FAF1: variants seen among roughly 807,000 people sequenced by gnomAD.
FAF1 encodes Fas associated factor 1.
In FAF1, 25 loss-of-function variants were observed where a neutral mutation model predicts 92.5. The ratio of observed to expected loss-of-function variants is 0.27; its 90% CI spans 0.20 to 0.38. The LOEUF (loss-of-function observed/expected upper bound fraction) is 0.38, where lower values mean the gene tolerates loss of function less well. Among genes scored for constraint, FAF1 ranks in the 10% least tolerant of loss-of-function variants. FAF1 has a pLI of 1.00. For missense variants in FAF1, 636 were observed against 793.3 expected, an observed-to-expected ratio of 0.80 and a Z score of 2.38; for synonymous variants, 234 against 273.2, an observed-to-expected ratio of 0.86 and a Z score of 1.42.
At chr1:50,729,330 C>T (rs1658822308) in intron 6 of FAF1, among the ~76,000 whole-genome samples, 1 of 151,958 alleles carries the variant, frequency 6.6e-6, no homozygotes, top group African/African-American at 2.4e-5. Context: ...GCTGGGATTA[C>T]AGGTGTGAGC....
At chr1:50,689,850 A>G (rs1656836421) in intron 7 of FAF1, among the ~76,000 whole-genome samples, 1 of 152,234 alleles carries the variant, frequency 6.6e-6, no homozygotes, top group Non-Finnish European at 1.5e-5. Flanking sequence ...TCTGAAAATT[A>G]GCCTATGTAG....
chr1:50,811,067 G>A (rs1643903144), intron 2 of FAF1, among the ~76,000 whole-genome samples: 1 of 152,058 alleles, frequency 6.6e-6, no homozygotes, highest in African/African-American at 2.4e-5. Flanking sequence ...AGGCATGGTG[G>A]CTCATGGCTG....
At chr1:50,552,347 C>A (rs1649352509) in intron 13 of FAF1, among the ~76,000 whole-genome samples, 1 of 151,902 alleles carries the variant, frequency 6.6e-6, no homozygotes, top group South Asian at 2.1e-4. Flanking sequence ...ACTCACCCAC[C>A]ACAGTCACTA....
At chr1:50,675,442 G>A (rs964618181) in intron 7 of FAF1, among the ~76,000 whole-genome samples, 4 of 152,318 alleles carry the variant, frequency 2.6e-5, no homozygotes, top group South Asian at 2.1e-4. Context: ...TGTTAGGGAC[G>A]ATGGCAAATT....
At chr1:50,856,489 G>A (rs1048053779) in intron 2 of FAF1, among the ~76,000 whole-genome samples, 1 of 151,692 alleles carries the variant, frequency 6.6e-6, no homozygotes, top group Non-Finnish European at 1.5e-5. Flanking sequence ...TTAGAGTCAA[G>A]CTATACAAAT....
At chr1:50,448,152 T>C (rs907167789) in intron 18 of FAF1, among the ~76,000 whole-genome samples, 1 of 152,148 alleles carries the variant, frequency 6.6e-6, no homozygotes, top group Non-Finnish European at 1.5e-5. Flanking sequence ...ATTATAGGGA[T>C]TGAAATAGCC....
chr1:50,609,335 A>G (rs1382989201), intron 8 of FAF1, among the ~76,000 whole-genome samples: 1 of 152,172 alleles, frequency 6.6e-6, no homozygotes, highest in African/African-American at 2.4e-5. Flanking sequence ...ATTTTCACCC[A>G]GGGTCGATCA....
intron 3 of FAF1, among the ~76,000 whole-genome samples, chr1:50,793,757 T>C (rs1027724344): frequency 4.6e-5 from 7 of 152,216 alleles, no homozygotes; most frequent in Non-Finnish European, 5.9e-5. Flanking sequence ...ATAATAATAG[T>C]CTATAGAGAT....
At chr1:50,764,271 G>C (rs1660474902) in intron 4 of FAF1, among the ~76,000 whole-genome samples, 1 of 152,162 alleles carries the variant, frequency 6.6e-6, no homozygotes, top group Non-Finnish European at 1.5e-5. Context: ...TGTACCCTGT[G>C]TGCGACAAAG....
intron 8 of FAF1, among the ~76,000 whole-genome samples, chr1:50,612,032 C>T (rs953822043): frequency 1.2e-4 from 19 of 152,044 alleles, no homozygotes; most frequent in Non-Finnish European, 2.8e-4. Context: ...GAAAACAGTT[C>T]GATGGTAATC....
chr1:50,717,031 T>C (rs1238957559), intron 6 of FAF1, among the ~76,000 whole-genome samples: 3 of 152,106 alleles, frequency 2.0e-5, no homozygotes, highest in Non-Finnish European at 4.4e-5. Flanking sequence ...AAGGAAGAAA[T>C]TCCGTACACA....
At chr1:50,466,400 C>T (rs1646496351) in intron 18 of FAF1, among the ~76,000 whole-genome samples, 1 of 152,096 alleles carries the variant, frequency 6.6e-6, no homozygotes, top group Non-Finnish European at 1.5e-5. Context: ...ATGTGAGACG[C>T]CTACTGGATG....
chr1:50,532,805 ATC>A (rs1184419495), intron 15 of FAF1, among the ~76,000 whole-genome samples: 1 of 152,028 alleles, frequency 6.6e-6, no homozygotes, highest in Non-Finnish European at 1.5e-5. Context: ...TTTAAAATTT[ATC>A]TTTTTGGTTT....
rs1428097139 is a variant in FAF1 at position 50,544,040 on chromosome 1, G to A, written c.1269-4312C>T. Among the ~76,000 whole-genome samples, 5 of 152,142 alleles carry A rather than the reference G, an allele frequency of 3.3e-5. No individual in the cohort carries two copies. In the South Asian group the frequency reaches 8.3e-4, roughly 25 times the overall value. On this transcript the variant is annotated intron_variant, in intron 13 of 18. Transcript: ENST00000396153. Reference sequence around the variant, plus strand: ...CCTGGGATTGCTAAACTAGCTTAATGAGAACAAGAGGGAGAACCCACTACC... The same window carrying A: ...CCTGGGATTGCTAAACTAGCTTAATAAGAACAAGAGGGAGAACCCACTACC...
At chr1:50,787,650 C>T (rs1661410799) in intron 4 of FAF1, among the ~76,000 whole-genome samples, 1 of 152,114 alleles carries the variant, frequency 6.6e-6, no homozygotes, top group Non-Finnish European at 1.5e-5. Flanking sequence ...CAAAAAGGAT[C>T]AAGATATATC....
chr1:50,704,679 A>G (rs1163849306), intron 7 of FAF1, among the ~76,000 whole-genome samples: 1 of 152,156 alleles, frequency 6.6e-6, no homozygotes, highest in East Asian at 1.9e-4. Context: ...AAAATCCTGA[A>G]AAAAAATTAA....
chr1:50,735,277 G>A (rs1161579578), intron 6 of FAF1, among the ~76,000 whole-genome samples: 2 of 152,114 alleles, frequency 1.3e-5, no homozygotes, highest in African/African-American at 4.8e-5. Flanking sequence ...TTGTATCACA[G>A]AGGCCACTGG....
intron 6 of FAF1, among the ~76,000 whole-genome samples, chr1:50,706,259 A>T (rs1284658048): frequency 6.6e-6 from 1 of 152,232 alleles, no homozygotes; most frequent in African/African-American, 2.4e-5. Flanking sequence ...CTCTGGTTCA[A>T]TTCCAAGTGA....
chr1:50,857,684 C>A (rs1291601270), intron 2 of FAF1, among the ~76,000 whole-genome samples: 1 of 151,582 alleles, frequency 6.6e-6, no homozygotes, highest in African/African-American at 2.4e-5. Flanking sequence ...GGAAGATGAA[C>A]CATAACACAC....
Sources: allele counts gnomAD v4.1 joint callset (sites outside exome capture counted in the v4.1 genomes callset), GRCh38; gene constraint gnomAD v4.1.1; transcripts MANE v1.5; gene names NCBI Gene and HGNC (gene_info 2026-07-23, HGNC 2026-07-21).